Variants in ACOT1 observed in about 807,000 individuals in gnomAD.
ACOT1 encodes acyl-coenzyme A thioesterase 1.
ACOT1 carries 8 observed loss-of-function variants against 15.7 expected under a neutral mutation model. The ratio of observed to expected loss-of-function variants is 0.51; its 90% CI spans 0.30 to 0.92. ACOT1 has a LOEUF of 0.92. Ranked by LOEUF, ACOT1 falls within the 40% of genes least tolerant of loss-of-function variation. ACOT1 has a pLI of 0.06. For synonymous variants in ACOT1, 67 were observed against 241.2 expected (o/e 0.28, Z 6.69); for missense variants, 151 against 539.4 (o/e 0.28, Z 7.13).
chr14:73,505,759 T>C, the ACOT1 span, among the ~76,000 whole-genome samples: 1 of 152,000 alleles, frequency 6.6e-6, no homozygotes, highest in Non-Finnish European at 1.5e-5. Flanking sequence ...TTTAGATGGG[T>C]TTTTGGGTAG....
At chr14:73,493,087 A>G in the ACOT1 span, 8 of 1,608,990 alleles carry the variant, frequency 5.0e-6, no homozygotes, top group Non-Finnish European at 6.8e-6. Flanking sequence ...CTTCAGTGTC[A>G]CAAACCTCGG....
At chr14:73,520,878 T>G in the ACOT1 span, 6 of 1,613,968 alleles carry the variant, frequency 3.7e-6, no homozygotes, top group Non-Finnish European at 3.4e-6. Flanking sequence ...TTCAAAGGTG[T>G]TGTCTGTGGA....
At chr14:73,513,929 T>C in the ACOT1 span, 2 of 1,230,434 alleles carry the variant, frequency 1.6e-6, no homozygotes, top group Non-Finnish European at 2.4e-6. Context: ...TTTTTACATT[T>C]CACAAAGGAG....
the ACOT1 span, chr14:73,490,948 C>G: frequency 7.8e-7 from 1 of 1,284,126 alleles, no homozygotes; most frequent in Non-Finnish European, 9.9e-7. Context: ...GCACCGCAGC[C>G]GCTGCATTCA....
chr14:73,506,760 T>C, the ACOT1 span, among the ~76,000 whole-genome samples: 2 of 147,460 alleles, frequency 1.4e-5, no homozygotes, highest in Non-Finnish European at 3.0e-5. Context: ...ACAAATTTAA[T>C]AACTTAAACA....
the ACOT1 span, among the ~76,000 whole-genome samples, chr14:73,529,495 T>C: frequency 8.8e-3 from 1,329 of 151,660 alleles, 27 homozygotes; most frequent in African/African-American, 0.025. Flanking sequence ...AGGGTTAGGC[T>C]ACATGCCTCT....
the ACOT1 span, among the ~76,000 whole-genome samples, chr14:73,503,401 T>G: frequency 6.6e-6 from 1 of 152,210 alleles, no homozygotes; most frequent in Admixed American, 6.5e-5. Flanking sequence ...ACTCTCCTGG[T>G]TTTGGTCCTG....
chr14:73,527,305 T>C, the ACOT1 span: 1 of 151,938 alleles, frequency 6.6e-6, no homozygotes. Context: ...CCAAATGGAC[T>C]AAATAAGGCA....
the ACOT1 span, among the ~76,000 whole-genome samples, chr14:73,510,354 A>G: frequency 6.6e-5 from 10 of 152,154 alleles, no homozygotes; most frequent in Admixed American, 1.3e-4. Flanking sequence ...GCATGGCACC[A>G]GAAGAATATG....
At chr14:73,493,076 G>C in the ACOT1 span, 1 of 1,601,434 alleles carries the variant, frequency 6.2e-7, no homozygotes, top group Non-Finnish European at 8.5e-7. Context: ...CTTTATCACT[G>C]CTTCAGTGTC....
At chr14:73,506,825 T>TTTTTTTTTTTTTTTTTTTTTC in the ACOT1 span, among the ~76,000 whole-genome samples, 1 of 126,132 alleles carries the variant, frequency 7.9e-6, no homozygotes, top group East Asian at 2.1e-4. Flanking sequence ...TTTTTTTTTT[T>TTTTTTTTTTTTTTTTTTTTTC]CTGAGAAGGT....
At chr14:73,509,127 A>G in the ACOT1 span, among the ~76,000 whole-genome samples, 2 of 152,296 alleles carry the variant, frequency 1.3e-5, no homozygotes, top group Admixed American at 6.5e-5. Context: ...TTGGCCTCCC[A>G]AAGTGCTGGG....
upstream of ACOT1, chr14:73,537,024 C>A (rs151087352): frequency 8.2e-3 from 1,116 of 135,444 alleles, 354 homozygotes; most frequent in East Asian, 0.22. Flanking sequence ...CGCTCTGTCG[C>A]CCAGGCTGTA....
At chr14:73,492,032 C>G in the ACOT1 span, 6 of 1,613,882 alleles carry the variant, frequency 3.7e-6, no homozygotes, top group Non-Finnish European at 5.1e-6. This position sits in a 1 kb window ranked among gnomAD's most constrained non-coding sequence, Gnocchi z 4.9. Context: ...GGGCTTTGCC[C>G]CCCACTACGA....
upstream of ACOT1, among the ~76,000 whole-genome samples, chr14:73,532,764 C>T (rs189008581): frequency 1.8e-5 from 2 of 113,770 alleles, no homozygotes; most frequent in Non-Finnish European, 3.8e-5. Context: ...ACCATCCTAG[C>T]TAACACAGTA....
chr14:73,518,088 A>G, the ACOT1 span, among the ~76,000 whole-genome samples: 1 of 151,578 alleles, frequency 6.6e-6, no homozygotes, highest in African/African-American at 2.4e-5. Flanking sequence ...TTTATCTCAA[A>G]AACAAAGCCA....
At chr14:73,503,930 C>T in the ACOT1 span, among the ~76,000 whole-genome samples, 1 of 152,194 alleles carries the variant, frequency 6.6e-6, no homozygotes, top group Non-Finnish European at 1.5e-5. Flanking sequence ...CCCCTGCTAG[C>T]TCTGCATGTC....
chr14:73,534,075 T>C (rs1888791120), upstream of ACOT1, among the ~76,000 whole-genome samples: 1 of 95,130 alleles, frequency 1.1e-5, no homozygotes, highest in Non-Finnish European at 2.2e-5. Context: ...GAGCAAGACC[T>C]AGTCTCTAAA....
chr14:73,518,966 G>A, the ACOT1 span: 1 of 1,538,962 alleles, frequency 6.5e-7, no homozygotes, highest in South Asian at 1.3e-5. Context: ...GGTAATGATG[G>A]GAAGTAGCCA....
Sources: gnomAD v4.1 joint callset for allele counts (sites outside exome capture counted in the v4.1 genomes callset) on GRCh38, gnomAD v4.1.1 for gene constraint, Gnocchi (gnomAD v3.1) non-coding constraint, MANE v1.5 for transcripts, NCBI Gene and HGNC (gene_info 2026-07-23, HGNC 2026-07-21) for gene names.